KIF22: variants seen among roughly 807,000 people sequenced by gnomAD.
KIF22 encodes the protein kinesin-like protein KIF22.
In KIF22, 62 loss-of-function variants were observed where a neutral mutation model predicts 73.0. The observed-to-expected ratio is 0.85, with a 90% CI of 0.69 to 1.05. The LOEUF is 1.05. Ranked by LOEUF, KIF22 falls within the 50% of genes least tolerant of loss-of-function variation. The pLI, the probability that KIF22 is intolerant of heterozygous loss-of-function variation, is 0.00. For missense variants in KIF22, 854 were observed against 870.1 expected (o/e 0.98, Z 0.23); for synonymous variants, 411 against 340.1 (o/e 1.21, Z -2.29).
rs6145811 is a variant in KIF22, at chr16:29,798,313, T to TACACACACACACACACAC, written c.267-44_267-27dup. 1.2e-6 allele frequency: 1 copy of TACACACACACACACACAC among 819,842 alleles called. No homozygotes were observed. Among genetic ancestry groups the TACACACACACACACACAC allele is most frequent in the African/African-American group, 1.9e-5 (1 of 51,852 alleles). 50.8% of individuals were successfully genotyped at this position (819,842 alleles called of 1,614,324 possible). A position where few individuals can be genotyped will look rare whatever the true frequency, so the allele number is the denominator to read the frequency against. ...CCCACCCCCACCCCACTCCACCCCTTACACACACACACACACACACACACA... is the reference window on the plus strand; with the variant it reads ...CCCACCCCCACCCCACTCCACCCCTTACACACACACACACACACACACACACACACACACACACACACA... On this transcript the variant is annotated intron_variant, in intron 2 of 13. Transcript: ENST00000160827. The surrounding 1 kb of genome is among the most constrained non-coding windows in gnomAD (Gnocchi z 4.1).
At chr16:29,804,512 T>C (rs1209667721) in intron 11 of KIF22, 4 of 655,684 alleles carry the variant, frequency 6.1e-6, no homozygotes, top group Non-Finnish European at 1.1e-5. Context: ...CTTTTAGAGA[T>C]GAGGGACCAG....
Position 29,803,541 on chromosome 16 carries a change from C to G in KIF22, c.1542C>G (p.Pro514=), listed in dbSNP as rs1899219414. The G allele has an allele frequency of 6.2e-7, 1 of 1,614,010 alleles. No individual in the cohort carries two copies. The highest frequency in any genetic ancestry group is 1.1e-5 in the South Asian group (1 of 91,020). ...ACCATTGTCCCACAATGCTCCGGCC[C>G]CTTTCACATCGCACAGTCACAGGGG... ...KENHCPTMLR[P]LSHRTVTGAK... Residue 514 remains proline (P), a synonymous_variant, in exon 10 of 14, where the codon CCC becomes CCG. Coordinates refer to ENST00000160827, the MANE Select transcript of KIF22 (RefSeq NM_007317.3).
intron 6 of KIF22, 49 bp from the exon 7 acceptor site, chr16:29,799,579 A>G: frequency 1.2e-6 from 2 of 1,613,034 alleles, no homozygotes; most frequent in Non-Finnish European, 1.7e-6. Context: ...CAGTTGAGGC[A>G]TAGGAAGGCT....
At position 29,798,347 on chromosome 16, in the gene KIF22, C is replaced by T. The variant is rs759635646; in HGVS notation, c.267-27C>T. Reference sequence around the variant, plus strand: ...ACACACACACACACACACACACACACGCTAATTTCTTTCTTTCTTCCTGCA... The same window carrying T: ...ACACACACACACACACACACACACATGCTAATTTCTTTCTTTCTTCCTGCA... On this transcript the variant is annotated intron_variant, in intron 2 of 13. Transcript: ENST00000160827. This position sits in a 1 kb window ranked among gnomAD's most constrained non-coding sequence, Gnocchi z 4.1. 5.8e-5 allele frequency: 74 copies of T among 1,271,658 alleles called. No individual in the cohort carries two copies. The highest frequency in any genetic ancestry group is 6.8e-5 in the African/African-American group (4 of 58,876). The allele number at this position is 1,271,658 out of a possible 1,614,324, so 78.8% of individuals were successfully genotyped here.
chr16:29,802,418 C>T (rs1018210174), intron 8 of KIF22, among the ~76,000 whole-genome samples: 1 of 152,080 alleles, frequency 6.6e-6, no homozygotes, highest in Non-Finnish European at 1.5e-5. Flanking sequence ...CTAAAGATGG[C>T]ATCCTCTGTG....
intron 12 of KIF22, 30 bp from the exon 13 acceptor site, chr16:29,805,085 C>CCCTGTCCCCTATCGAT (rs751928189): frequency 1.9e-6 from 3 of 1,613,050 alleles, no homozygotes; most frequent in Non-Finnish European, 2.5e-6. Flanking sequence ...ACCCCCGAGA[C>CCCTGTCCCCTATCGAT]CCTGTCCCCT....
chr16:29,790,868 C>T (rs1172565339), intron 1 of KIF22, 39 bp downstream of exon 1: 2 of 1,574,292 alleles, frequency 1.3e-6, no homozygotes, highest in East Asian at 2.3e-5. Flanking sequence ...GTACCGACGT[C>T]TGGAGTTTAG....
In KIF22 at chr16:29,798,502, G is replaced by A. The variant is rs1220586944; in HGVS notation, c.394+1G>A. On this transcript the variant is annotated splice_donor_variant, in intron 3 of 13. Coordinates refer to ENST00000160827, the MANE Select transcript of KIF22 (RefSeq NM_007317.3). LOFTEE classifies it high-confidence loss of function. The surrounding 1 kb of genome is among the most constrained non-coding windows in gnomAD (Gnocchi z 4.1). Reference sequence around the variant, plus strand: ...CTTGCCTATGGACCCACAGGAGCTGGTGAGGGAGCCAGAAAAGAAACAGCT... The same window carrying A: ...CTTGCCTATGGACCCACAGGAGCTGATGAGGGAGCCAGAAAAGAAACAGCT... 1 of 1,614,154 alleles carries A rather than the reference G, an allele frequency of 6.2e-7. No homozygotes were observed.
At chr16:29,791,696 G>C (rs1261340787) in intron 1 of KIF22, among the ~76,000 whole-genome samples, 4 of 152,202 alleles carry the variant, frequency 2.6e-5, no homozygotes, top group Non-Finnish European at 4.4e-5. Context: ...TACTATTACT[G>C]TCTTTGTTTT....
Position 29,805,298 on chromosome 16 carries a change from T to TGGC in KIF22, c.1988_1990dup (p.Gly663dup). The TGGC allele has an allele frequency of 1.9e-6, 3 of 1,613,538 alleles. No homozygotes were observed. In the South Asian group the frequency reaches 3.3e-5, roughly 18 times the overall value. On this transcript the variant is annotated inframe_insertion, in exon 14 of 14. Coordinates refer to ENST00000160827, the MANE Select transcript of KIF22 (RefSeq NM_007317.3). The stretch of plus-strand genomic sequence containing the variant: ...TGGGTCTCGCCGCCGGCCAGCGCTG[T>TGGC]GGCGCCTCCTGACCGTCGTCTCCTC...
chr16:29,795,077 C>T lies in KIF22; in HGVS notation c.71-1816C>T, dbSNP rs185925770. On this transcript the variant is annotated intron_variant, in intron 1 of 13. Coordinates refer to ENST00000160827, the MANE Select transcript of KIF22 (RefSeq NM_007317.3). ...CTTCCTTAAGTGCTTCTACATCTGC[C>T]ATCTTTCTGTTCTCCCAAAACATCC... is the stretch of plus-strand genomic sequence containing the variant. Among the ~76,000 whole-genome samples the T allele has an allele frequency of 1.4e-3, 215 of 152,332 alleles. 1 individual carries two copies. The highest frequency in any genetic ancestry group is 4.8e-3 in the African/African-American group (199 of 41,564).
intron 1 of KIF22, chr16:29,791,396 C>T (rs971273475): frequency 1.3e-4 from 37 of 289,350 alleles, no homozygotes; most frequent in Non-Finnish European, 1.9e-4. Context: ...TTTCCTTTCA[C>T]TCTAGCATGG....
rs767933971 is a variant in KIF22 at position 29,802,857 on chromosome 16, G to A, written c.1369G>A (p.Gly457Arg). The A allele has an allele frequency of 6.2e-7, 1 of 1,611,440 alleles. No homozygotes were observed. The highest frequency in any genetic ancestry group is 1.7e-5 in the Admixed American group (1 of 59,558). ...TCTGCTTGCCTCCCAGGGGAGCCAG[G>A]GGGCCCCTCTGTTGAGTACCCCAAA... ...DRLLASQGSQ[G>R]APLLSTPKRE... is the part of the protein sequence containing the mutation. Residue 457 changes from glycine (G) to arginine (R), a missense_variant, in exon 9 of 14, where the codon GGG becomes AGG. Gly to Arg is a moderately radical substitution (Grantham distance 125). Coordinates refer to ENST00000160827, the MANE Select transcript of KIF22 (RefSeq NM_007317.3).
At chr16:29,805,220 G>A (rs376164567) in intron 13 of KIF22, 43 bp from the exon 14 acceptor site, 2 of 1,614,088 alleles carry the variant, frequency 1.2e-6, no homozygotes, top group South Asian at 1.1e-5. Context: ...TGCGCCCCGC[G>A]CCCCTCTCTA....
rs761406331 is a variant in KIF22 at position 29,790,788 on chromosome 16, G to A, written c.29G>A (p.Arg10Lys). The A allele has an allele frequency of 6.2e-7, 1 of 1,603,268 alleles. No individual in the cohort carries two copies. The highest frequency in any genetic ancestry group is 8.5e-7 in the Non-Finnish European group (1 of 1,175,128). ...GCCGCGGGCGGCTCGACGCAGCAGA[G>A]GCGACGCGAGATGGCGGCAGCTTCA... The part of the protein sequence containing the change: MAAGGSTQQ[R>K]RREMAAASAA... The change falls in exon 1 of 14, where the codon AGG (arginine) becomes AAG (lysine). Residue 10 changes from arginine to lysine, a missense_variant. Transcript: ENST00000160827.
chr16:29,793,090 A>G (rs1781400602), intron 1 of KIF22, among the ~76,000 whole-genome samples: 1 of 152,318 alleles, frequency 6.6e-6, no homozygotes, highest in African/African-American at 2.4e-5. Context: ...CATTTACATC[A>G]GAGATCAAAG....
Position 29,796,917 on chromosome 16 carries a change from AGATT to A in KIF22, c.97_100del (p.Ile33GlufsTer11). On this transcript the variant is annotated frameshift_variant, in exon 2 of 14. Transcript: ENST00000160827. LOFTEE classifies it high-confidence loss of function. Reference sequence around the variant, plus strand: ...GGAGCTGGTCGCTGTCGGCTAAGCAAGATTGGAGCTACTCGTCGTCCACCTCCAG... The same window carrying A: ...GGAGCTGGTCGCTGTCGGCTAAGCAAGGAGCTACTCGTCGTCCACCTCCAG... The A allele has an allele frequency of 6.2e-7, 1 of 1,614,112 alleles. No individual in the cohort carries two copies. Among genetic ancestry groups the A allele is most frequent in the Non-Finnish European group, 8.5e-7 (1 of 1,179,988 alleles).
At chr16:29,795,341 G>A (rs569959741) in intron 1 of KIF22, among the ~76,000 whole-genome samples, 8 of 152,336 alleles carry the variant, frequency 5.3e-5, no homozygotes, top group African/African-American at 1.2e-4. Flanking sequence ...GAAACAGCCC[G>A]TCTGCTTATG....
chr16:29,797,001 C>T lies in KIF22; in HGVS notation c.179C>T (p.Ala60Val). Residue 60 changes from alanine (A) to valine (V), a missense_variant, in exon 2 of 14, where the codon GCA (alanine) becomes GTA (valine). Transcript: ENST00000160827. The surrounding 1 kb of genome is among the most constrained non-coding windows in gnomAD (Gnocchi z 4.1). The part of the protein sequence containing the change: ...LRPFVDGTAG[A>V]SDPPCVRGMD... The stretch of plus-strand genomic sequence containing the variant: ...CCATTTGTGGATGGAACAGCGGGAG[C>T]AAGTGATCCCCCCTGTGTGCGGGGC... The T allele has an allele frequency of 6.2e-7, 1 of 1,614,018 alleles. No homozygotes were observed. Among genetic ancestry groups the T allele is most frequent in the African/African-American group, 1.3e-5 (1 of 75,046 alleles).
Sources: allele counts gnomAD v4.1 joint callset (sites outside exome capture counted in the v4.1 genomes callset), GRCh38; gene constraint gnomAD v4.1.1; non-coding constraint Gnocchi (gnomAD v3.1); transcripts MANE v1.5; gene names NCBI Gene and HGNC (gene_info 2026-07-23, HGNC 2026-07-21).